The following TOP1 variants were observed in gnomAD, a reference collection of about 807,000 sequenced individuals.
TOP1 encodes the protein DNA topoisomerase 1.
A neutral mutation model predicts 111.1 loss-of-function variants in TOP1; 10 were observed. The observed-to-expected ratio is 0.09, with a 90% CI of 0.06 to 0.15. The LOEUF is 0.15. TOP1 is among the 10% of genes least tolerant of loss of function. TOP1 has a pLI of 1.00. For synonymous variants in TOP1, 271 were observed against 302.9 expected, an observed-to-expected ratio of 0.89 and a Z score of 1.10; for missense variants, 474 against 926.7, an observed-to-expected ratio of 0.51 and a Z score of 6.34.
Position 41,029,170 on chromosome 20 carries a change from C to T in TOP1, c.33+70C>T, listed in dbSNP as rs1202084240. ...CGTCCCGCGACCCCCGGCGCAGGCCCCGACCCCAGCCCCGGCCCGGCAGCT... is the reference window on the plus strand; with the variant it reads ...CGTCCCGCGACCCCCGGCGCAGGCCTCGACCCCAGCCCCGGCCCGGCAGCT... On this transcript the variant is annotated intron_variant, in intron 1 of 20. Transcript: ENST00000361337. This position sits in a 1 kb window ranked among gnomAD's most constrained non-coding sequence, Gnocchi z 6.1. 1 of 1,227,044 alleles carries T rather than the reference C, an allele frequency of 8.1e-7. No homozygotes were observed. Among genetic ancestry groups the T allele is most frequent in the Non-Finnish European group, 1.1e-6 (1 of 933,290 alleles). The allele number at this position is 1,227,044 out of a possible 1,614,324, so 76.0% of individuals were successfully genotyped here.
chr20:41,100,525 G>A lies in TOP1; in HGVS notation c.1163+282G>A, dbSNP rs954052668. On this transcript the variant is annotated intron_variant, in intron 12 of 20. Coordinates refer to ENST00000361337, the MANE Select transcript of TOP1 (RefSeq NM_003286.4). This position sits in a 1 kb window ranked among gnomAD's most constrained non-coding sequence, Gnocchi z 4.4. ...GATGTCTTCCACCCCCAAATTTAAT[G>A]TCTTTTCCATGTTTATTAAGTACTT... The A allele has an allele frequency of 3.1e-6, 1 of 318,180 alleles. No homozygotes were observed. Among genetic ancestry groups the A allele is most frequent in the African/African-American group, 2.1e-5 (1 of 47,688 alleles). 19.7% of individuals were successfully genotyped at this position (318,180 alleles called of 1,614,324 possible).
chr20:41,102,634 A>C lies in TOP1; in HGVS notation c.1308+1281A>C, dbSNP rs1158660759. Among the ~76,000 whole-genome samples the C allele has an allele frequency of 6.6e-6, 1 of 152,236 alleles. No individual in the cohort carries two copies. Among genetic ancestry groups the C allele is most frequent in the Non-Finnish European group, 1.5e-5 (1 of 68,040 alleles). The stretch of plus-strand genomic sequence containing the variant: ...CAAATAAATAACTAAATACATAAAT[A>C]AAAATAAAATGTAGTTTTTGTAGTT... On this transcript the variant is annotated intron_variant, in intron 13 of 20. Transcript: ENST00000361337. This position sits in a 1 kb window ranked among gnomAD's most constrained non-coding sequence, Gnocchi z 4.0.
Position 41,028,941 on chromosome 20 carries a change from A to C in TOP1, c.-127A>C. 1.3e-6 allele frequency: 1 copy of C among 752,184 alleles called. No homozygotes were observed. The highest frequency in any genetic ancestry group is 2.2e-6 in the Non-Finnish European group (1 of 461,298). The allele number at this position is 752,184 out of a possible 1,614,324, so 46.6% of individuals were successfully genotyped here. A position where few individuals can be genotyped will look rare whatever the true frequency, so the allele number is the denominator to read the frequency against. On this transcript the variant is annotated 5_prime_UTR_variant, in exon 1 of 21. Coordinates refer to ENST00000361337, the MANE Select transcript of TOP1 (RefSeq NM_003286.4). ...GCCGTTTCTGGAGTCTCGGGCCCAC[A>C]GTCACCGCCGCTTACCTGCGCCTCC...
Position 41,123,172 on chromosome 20 carries a change from C to A in TOP1, c.2196-23C>A, listed in dbSNP as rs943747956. On this transcript the variant is annotated intron_variant, in intron 20 of 20. Transcript: ENST00000361337. This position sits in a 1 kb window ranked among gnomAD's most constrained non-coding sequence, Gnocchi z 5.8. ...CATTGCTGAGTCACCCTAATCCCCCCCTTATTTCTCCTTTGTTTGCAGGTG... is the reference window on the plus strand; with the variant it reads ...CATTGCTGAGTCACCCTAATCCCCCACTTATTTCTCCTTTGTTTGCAGGTG... 4 of 1,568,004 alleles carry A rather than the reference C, an allele frequency of 2.6e-6. No homozygotes were observed. The highest frequency in any genetic ancestry group is 8.8e-7 in the Non-Finnish European group (1 of 1,138,324).
At position 41,122,162 on chromosome 20, in the gene TOP1, G is replaced by T; in HGVS notation, c.2195+7G>T. 1 of 1,613,784 alleles carries T rather than the reference G, an allele frequency of 6.2e-7. No homozygotes were observed. ...CTAGGATCACAGTGGCTTGGTAAGT[G>T]TTGAGCCCTCCTTGAGCTCCTGCTG... is the stretch of plus-strand genomic sequence containing the variant. On this transcript the variant is annotated splice_region_variant and intron_variant, in intron 20 of 20. Coordinates refer to ENST00000361337, the MANE Select transcript of TOP1 (RefSeq NM_003286.4). This position sits in a 1 kb window ranked among gnomAD's most constrained non-coding sequence, Gnocchi z 5.4.
At position 41,079,458 on chromosome 20, in the gene TOP1, T is replaced by A. The variant is rs759017714; in HGVS notation, c.336-627T>A. On this transcript the variant is annotated intron_variant, in intron 5 of 20. Coordinates refer to ENST00000361337, the MANE Select transcript of TOP1 (RefSeq NM_003286.4). The surrounding 1 kb of genome is among the most constrained non-coding windows in gnomAD (Gnocchi z 4.0). ...AACAAATAGTAGTGAGACACTCTTC[T>A]GTATATAAAGTAAACCTAAGTTAGG... 1.3e-5 allele frequency among the ~76,000 whole-genome samples: 2 copies of A among 152,234 alleles called. No individual in the cohort carries two copies. Among genetic ancestry groups the A allele is most frequent in the Admixed American group, 1.3e-4 (2 of 15,278 alleles).
chr20:41,068,515 CT>C (rs2033633812), intron 3 of TOP1, among the ~76,000 whole-genome samples: 1 of 152,136 alleles, frequency 6.6e-6, no homozygotes, highest in Admixed American at 6.5e-5. Flanking sequence ...GTCCTCCCAC[CT>C]CAGCCTCTTG....
In TOP1 at chr20:41,121,613, C is replaced by A; in HGVS notation, c.1951-83C>A. The A allele has an allele frequency of 9.5e-7, 1 of 1,053,606 alleles. No homozygotes were observed. The highest frequency in any genetic ancestry group is 1.5e-6 in the Non-Finnish European group (1 of 673,336). 65.3% of individuals were successfully genotyped at this position (1,053,606 alleles called of 1,614,324 possible). A position where few individuals can be genotyped will look rare whatever the true frequency, so the allele number is the denominator to read the frequency against. ...AACCACTGACAGAGACAGCCTGGTC[C>A]AGATAACATCTTGGTTTCACCTTCT... On this transcript the variant is annotated intron_variant, in intron 18 of 20. Transcript: ENST00000361337. This position sits in a 1 kb window ranked among gnomAD's most constrained non-coding sequence, Gnocchi z 4.2.
rs770438541 is a variant in TOP1 at position 41,092,370 on chromosome 20, G to A, written c.615-102G>A. On this transcript the variant is annotated intron_variant, in intron 8 of 20. Transcript: ENST00000361337. The surrounding 1 kb of genome is among the most constrained non-coding windows in gnomAD (Gnocchi z 4.3). Reference sequence around the variant, plus strand: ...TGTGAGGCCCAGAAGTCATTCCAGAGCACTAATCAGTTGAGCGGATAATTA... The same window carrying A: ...TGTGAGGCCCAGAAGTCATTCCAGAACACTAATCAGTTGAGCGGATAATTA... The A allele has an allele frequency of 1.8e-6, 1 of 548,010 alleles. No individual in the cohort carries two copies. The highest frequency in any genetic ancestry group is 3.3e-6 in the Non-Finnish European group (1 of 307,110). The allele number at this position is 548,010 out of a possible 1,614,324, so 33.9% of individuals were successfully genotyped here.
Position 41,066,123 on chromosome 20 carries a change from T to C in TOP1, c.155+4633T>C, listed in dbSNP as rs563375909. The stretch of plus-strand genomic sequence containing the variant: ...AAGAAAGAGGTTAATATTTAAAACA[T>C]AAGCTTTTGAAAACTTATCTTCTCT... On this transcript the variant is annotated intron_variant, in intron 3 of 20. Coordinates refer to ENST00000361337, the MANE Select transcript of TOP1 (RefSeq NM_003286.4). Among the ~76,000 whole-genome samples, 16 of 152,320 alleles carry C rather than the reference T, an allele frequency of 1.1e-4. 1 individual carries two copies. The South Asian group carries it at 2.3e-3, about 22-fold the overall frequency.
At position 41,124,328 on chromosome 20, in the gene TOP1, A is replaced by T; in HGVS notation, c.*1031A>T. On this transcript the variant is annotated 3_prime_UTR_variant, in exon 21 of 21. Coordinates refer to ENST00000361337, the MANE Select transcript of TOP1 (RefSeq NM_003286.4). This position sits in a 1 kb window ranked among gnomAD's most constrained non-coding sequence, Gnocchi z 5.4. ...AAAAGCAGAATTTTAATGTGAAGAC[A>T]TTTTTTGCTATAATCATTAGTTTTA... The T allele has an allele frequency of 8.6e-6, 2 of 233,292 alleles. No individual in the cohort carries two copies. Among genetic ancestry groups the T allele is most frequent in the Non-Finnish European group, 1.7e-5 (2 of 117,844 alleles). The allele number at this position is 233,292 out of a possible 1,614,324, so 14.5% of individuals were successfully genotyped here.
Position 41,102,430 on chromosome 20 carries a change from C to G in TOP1, c.1308+1077C>G, listed in dbSNP as rs1027048194. 1.3e-5 allele frequency among the ~76,000 whole-genome samples: 2 copies of G among 151,988 alleles called. No individual in the cohort carries two copies. The highest frequency in any genetic ancestry group is 4.8e-5 in the African/African-American group (2 of 41,362). The stretch of plus-strand genomic sequence containing the variant: ...TTCGAGACCAGCCTGGACAACATGG[C>G]GAAACCCTGTCTCTACTAAAAATAC... On this transcript the variant is annotated intron_variant, in intron 13 of 20. Transcript: ENST00000361337. The surrounding 1 kb of genome is among the most constrained non-coding windows in gnomAD (Gnocchi z 4.0).
rs1443081113 is a variant in TOP1 at position 41,067,186 on chromosome 20, C to T, written c.155+5696C>T. On this transcript the variant is annotated intron_variant, in intron 3 of 20. Transcript: ENST00000361337. This position sits in a 1 kb window ranked among gnomAD's most constrained non-coding sequence, Gnocchi z 4.0. ...CCAGGCTGGAGTGCAGTGGTGTGAT[C>T]TCGGCTCACTGCAACCTCTGCCTCC... Among the ~76,000 whole-genome samples, 6 of 151,440 alleles carry T rather than the reference C, an allele frequency of 4.0e-5. No individual in the cohort carries two copies. Among genetic ancestry groups the T allele is most frequent in the Non-Finnish European group, 7.4e-5 (5 of 67,852 alleles).
At chr20:41,107,921 G>A (rs987017826) in intron 13 of TOP1, among the ~76,000 whole-genome samples, 3 of 152,168 alleles carry the variant, frequency 2.0e-5, no homozygotes, top group African/African-American at 7.2e-5. Context: ...TTCTTGCATG[G>A]AGCAAGAAGT....
intron 2 of TOP1, among the ~76,000 whole-genome samples, chr20:41,039,768 C>A (rs746431705): frequency 6.6e-5 from 10 of 152,162 alleles, no homozygotes; most frequent in Middle Eastern, 6.8e-3. Context: ...ACTAGCCGGG[C>A]GTGGTGGCGG....
chr20:41,057,933 G>T (rs943341712), intron 2 of TOP1, among the ~76,000 whole-genome samples: 1 of 152,122 alleles, frequency 6.6e-6, no homozygotes, highest in South Asian at 2.1e-4. Context: ...AGAAGTAGTG[G>T]GATATTGCTG....
chr20:41,109,594 TC>T lies in TOP1; in HGVS notation c.1309-3186del, dbSNP rs2034202069. ...CTTATATCCAGACTATACAAAGAATTCCTGTAGCTCCATAATAAAAAAACAG... is the reference window on the plus strand; with the variant it reads ...CTTATATCCAGACTATACAAAGAATTCTGTAGCTCCATAATAAAAAAACAG... On this transcript the variant is annotated intron_variant, in intron 13 of 20. Coordinates refer to ENST00000361337, the MANE Select transcript of TOP1 (RefSeq NM_003286.4). This position sits in a 1 kb window ranked among gnomAD's most constrained non-coding sequence, Gnocchi z 4.1. 6.6e-6 allele frequency among the ~76,000 whole-genome samples: 1 copy of T among 152,178 alleles called. No individual in the cohort carries two copies. Among genetic ancestry groups the T allele is most frequent in the Non-Finnish European group, 1.5e-5 (1 of 68,016 alleles).
At chr20:41,043,777 C>T (rs763675952) in intron 2 of TOP1, among the ~76,000 whole-genome samples, 3 of 152,208 alleles carry the variant, frequency 2.0e-5, no homozygotes, top group African/African-American at 4.8e-5. Context: ...TCACTCTTCC[C>T]AGGCATTAAG....
rs2033110225 is a variant in TOP1, at chr20:41,030,892, G to A, written c.58+1437G>A. ...AAAGTATGGCATTTCTTGAGCACCA[G>A]ATATGTGCCAACCACTGTGCTTGGT... On this transcript the variant is annotated intron_variant, in intron 2 of 20. Coordinates refer to ENST00000361337, the MANE Select transcript of TOP1 (RefSeq NM_003286.4). The surrounding 1 kb of genome is among the most constrained non-coding windows in gnomAD (Gnocchi z 4.1). Among the ~76,000 whole-genome samples, 4 of 152,206 alleles carry A rather than the reference G, an allele frequency of 2.6e-5. No homozygotes were observed. In the South Asian group the frequency reaches 8.3e-4, roughly 32 times the overall value.
Sources: allele counts gnomAD v4.1 joint callset (sites outside exome capture counted in the v4.1 genomes callset), GRCh38; gene constraint gnomAD v4.1.1; non-coding constraint Gnocchi (gnomAD v3.1); transcripts MANE v1.5; gene names NCBI Gene and HGNC (gene_info 2026-07-23, HGNC 2026-07-21).